Variants in ZMYM4 observed in about 807,000 individuals in gnomAD.
ZMYM4 encodes the protein zinc finger MYM-type protein 4.
Under a neutral mutation model 183.2 loss-of-function variants are expected in ZMYM4, and 31 were observed. That is an observed-to-expected ratio of 0.17 (90% CI 0.13 to 0.23). ZMYM4 has a LOEUF of 0.23. ZMYM4 is among the 10% of genes least tolerant of loss of function. The pLI is 1.00. For synonymous variants in ZMYM4, 592 were observed against 631.2 expected, an observed-to-expected ratio of 0.94 and a Z score of 0.93; for missense variants, 1,273 against 1,840.3, an observed-to-expected ratio of 0.69 and a Z score of 5.64.
intron 5 of ZMYM4, among the ~76,000 whole-genome samples, chr1:35,367,374 G>A (rs140531830): frequency 2.0e-4 from 30 of 151,828 alleles, no homozygotes; most frequent in African/African-American, 6.0e-4. Flanking sequence ...GATTACAGGC[G>A]TGCACCACCA....
chr1:35,323,417 G>T (rs550194456), intron 1 of ZMYM4, among the ~76,000 whole-genome samples: 1 of 152,114 alleles, frequency 6.6e-6, no homozygotes, highest in East Asian at 1.9e-4. Flanking sequence ...TAATAGCATC[G>T]GGCCTTGGGA....
At chr1:35,327,711 A>G (rs1168680194) in intron 2 of ZMYM4, among the ~76,000 whole-genome samples, 1 of 152,244 alleles carries the variant, frequency 6.6e-6, no homozygotes, top group East Asian at 1.9e-4. Context: ...TTCATAAAAT[A>G]TAAGATAAAA....
intron 2 of ZMYM4, among the ~76,000 whole-genome samples, chr1:35,342,404 T>A (rs564884515): frequency 1.3e-5 from 2 of 152,212 alleles, no homozygotes; most frequent in Non-Finnish European, 2.9e-5. Context: ...CAAGCAATCC[T>A]CCTGCCTTGG....
At chr1:35,297,328 A>G (rs1010040370) in intron 1 of ZMYM4, among the ~76,000 whole-genome samples, 1 of 152,062 alleles carries the variant, frequency 6.6e-6, no homozygotes, top group Non-Finnish European at 1.5e-5. Flanking sequence ...AAGAATTAAG[A>G]TTATTAATAC....
intron 1 of ZMYM4, among the ~76,000 whole-genome samples, chr1:35,323,213 G>A (rs1485779174): frequency 6.6e-6 from 1 of 152,088 alleles, no homozygotes; most frequent in Admixed American, 6.5e-5. Context: ...TGTTGGCCAG[G>A]CTGGTCTTGA....
intron 15 of ZMYM4, among the ~76,000 whole-genome samples, chr1:35,391,065 G>C (rs570503238): frequency 1.3e-5 from 2 of 152,182 alleles, no homozygotes; most frequent in African/African-American, 4.8e-5. Flanking sequence ...ACTATATGTC[G>C]TGGGCGTGAC....
chr1:35,305,004 A>C (rs1438486928), intron 1 of ZMYM4, among the ~76,000 whole-genome samples: 1 of 151,622 alleles, frequency 6.6e-6, no homozygotes, highest in Admixed American at 6.6e-5. Context: ...CGCTACTACG[A>C]CCAGCTAATT....
chr1:35,311,581 G>A (rs1253098165), intron 1 of ZMYM4, among the ~76,000 whole-genome samples: 1 of 151,834 alleles, frequency 6.6e-6, no homozygotes, highest in African/African-American at 2.4e-5. Flanking sequence ...CCCTAGTCTG[G>A]GTGACAGAGG....
At chr1:35,273,457 T>G (rs1426412602) in intron 1 of ZMYM4, among the ~76,000 whole-genome samples, 4 of 152,210 alleles carry the variant, frequency 2.6e-5, no homozygotes, top group Non-Finnish European at 4.4e-5. Context: ...GAGGTCTAAC[T>G]AAATCGGGCG....
Position 35,393,648 on chromosome 1 carries a change from T to A in ZMYM4, c.2820T>A (p.Leu940=). The change falls in exon 18 of 30, where the codon CTT becomes CTA. Residue 940 remains leucine, a synonymous_variant. Transcript: ENST00000314607. Reference sequence around the variant, plus strand: ...TGCCACCTTCCCAACCTCCAAGGCTTTTGAAGAACAAAGCTTTATTATGCA... The same window carrying A: ...TGCCACCTTCCCAACCTCCAAGGCTATTGAAGAACAAAGCTTTATTATGCA... ...LKLPPSQPPR[L]LKNKALLCKP... 1 of 1,612,334 alleles carries A rather than the reference T, an allele frequency of 6.2e-7. No individual in the cohort carries two copies. The highest frequency in any genetic ancestry group is 8.5e-7 in the Non-Finnish European group (1 of 1,178,866).
intron 1 of ZMYM4, among the ~76,000 whole-genome samples, chr1:35,312,925 G>C (rs1012072931): frequency 1.3e-5 from 2 of 151,942 alleles, no homozygotes; most frequent in Non-Finnish European, 2.9e-5. Flanking sequence ...ACGGAGTCTC[G>C]CTCTGTCACC....
At position 35,310,907 on chromosome 1, in the gene ZMYM4, A is replaced by G. The variant is rs183557394; in HGVS notation, c.40-14453A>G. 5.2e-3 allele frequency among the ~76,000 whole-genome samples: 799 copies of G among 152,218 alleles called. 3 individuals carry two copies. The highest frequency in any genetic ancestry group is 0.024 in the Middle Eastern group (7 of 294). On this transcript the variant is annotated intron_variant, in intron 1 of 29. Coordinates refer to ENST00000314607, the MANE Select transcript of ZMYM4 (RefSeq NM_005095.3). ...TTTTCTTTTTCTAATTCACACGAGT[A>G]TGAAAATCTATAAAATTCCTTTTTT... is the stretch of plus-strand genomic sequence containing the variant.
At position 35,325,372 on chromosome 1, in the gene ZMYM4, AGTG is replaced by A; in HGVS notation, c.56_58del (p.Gly19del). On this transcript the variant is annotated inframe_deletion, in exon 2 of 30. Transcript: ENST00000314607. ...TTTGCTTTTCCAGTTTGAACAAAAA[AGTG>A]GTGCAGTTTTTGATGAAATTGTAGA... is the stretch of plus-strand genomic sequence containing the variant. 1 of 1,604,490 alleles carries A rather than the reference AGTG, an allele frequency of 6.2e-7. No homozygotes were observed. The highest frequency in any genetic ancestry group is 8.5e-7 in the Non-Finnish European group (1 of 1,174,828).
intron 1 of ZMYM4, among the ~76,000 whole-genome samples, chr1:35,281,893 G>A (rs1640187318): frequency 6.6e-6 from 1 of 152,142 alleles, no homozygotes; most frequent in African/African-American, 2.4e-5. Flanking sequence ...GATATTTCAT[G>A]TAAGTGGACT....
chr1:35,277,205 G>GA (rs1570225093), intron 1 of ZMYM4, among the ~76,000 whole-genome samples: 1 of 152,170 alleles, frequency 6.6e-6, no homozygotes, highest in South Asian at 2.1e-4. Context: ...GAGGTAAAAT[G>GA]TCATCATCAA....
chr1:35,377,046 A>G (rs939679781), intron 7 of ZMYM4, among the ~76,000 whole-genome samples: 6 of 152,138 alleles, frequency 3.9e-5, no homozygotes, highest in African/African-American at 1.4e-4. Context: ...AGCTGGGACT[A>G]CAGGCGCATG....
intron 13 of ZMYM4, 76 bp downstream of exon 13, chr1:35,387,680 C>A: frequency 1.4e-6 from 2 of 1,455,206 alleles, no homozygotes; most frequent in South Asian, 1.4e-5. Flanking sequence ...TAAGCTTTCA[C>A]TGTCTAAGTT....
chr1:35,356,991 C>G (rs539075847), intron 2 of ZMYM4, among the ~76,000 whole-genome samples: 1 of 152,200 alleles, frequency 6.6e-6, no homozygotes, highest in African/African-American at 2.4e-5. Flanking sequence ...TCAAGTGATC[C>G]TCCTTCCTCA....
intron 7 of ZMYM4, among the ~76,000 whole-genome samples, chr1:35,371,106 TGCGC>T (rs774462192): frequency 9.2e-5 from 9 of 97,582 alleles, no homozygotes; most frequent in Admixed American, 5.5e-4. Context: ...TGTGTGTGTG[TGCGC>T]ACATTTATTT....
Sources: gnomAD v4.1 joint callset for allele counts (sites outside exome capture counted in the v4.1 genomes callset) on GRCh38, gnomAD v4.1.1 for gene constraint, MANE v1.5 for transcripts, NCBI Gene and HGNC (gene_info 2026-07-23, HGNC 2026-07-21) for gene names.